HTATSF1: variants seen among roughly 807,000 people sequenced by gnomAD.
HTATSF1 encodes HIV-1 Tat specific factor 1.
Under a neutral mutation model 46.1 loss-of-function variants are expected in HTATSF1, and 6 were observed. The ratio of observed to expected loss-of-function variants is 0.13; its 90% CI spans 0.07 to 0.26. The LOEUF (loss-of-function observed/expected upper bound fraction) is 0.26. Ranked by LOEUF, HTATSF1 falls within the 10% of genes least tolerant of loss-of-function variation. HTATSF1 has a pLI of 1.00. For synonymous variants in HTATSF1, 226 were observed against 211.5 expected (o/e 1.07, Z -0.60); for missense variants, 452 against 559.9 (o/e 0.81, Z 1.94).
chrX:136,497,750 C>T lies in HTATSF1; in HGVS notation c.66C>T (p.Tyr22=), dbSNP rs2083839502. Residue 22 remains tyrosine, a synonymous_variant, in exon 1 of 9, where the codon TAC becomes TAT. Coordinates refer to ENST00000218364, the MANE Select transcript of HTATSF1 (RefSeq NM_014500.5). ...AGCAGTTGCGAATGCAAGAATTGTA[C>T]GGAGACGGCAAGGATGGTGACACCC... ...FDEQLRMQEL[Y]GDGKDGDTQT... is the part of the protein sequence containing the mutation. 2.5e-6 allele frequency: 3 copies of T among 1,206,518 alleles called. No homozygotes were observed. Among genetic ancestry groups the T allele is most frequent in the Non-Finnish European group, 3.4e-6 (3 of 891,450 alleles).
At chrX:136,500,400 A>G (rs893553747) in intron 3 of HTATSF1, among the ~76,000 whole-genome samples, 195 bp downstream of exon 3, 1 of 112,098 alleles carries the variant, frequency 8.9e-6, no homozygotes, top group Non-Finnish European at 1.9e-5. Context: ...AACTTTGCAT[A>G]CCAACCTTTA....
chrX:136,497,759 C>G lies in HTATSF1; in HGVS notation c.75C>G (p.Gly25=). 1 of 1,206,047 alleles carries G rather than the reference C, an allele frequency of 8.3e-7. No homozygotes were observed. ...GAATGCAAGAATTGTACGGAGACGG[C>G]AAGGATGGTGACACCCAGACCGATG... ...QLRMQELYGD[G]KDGDTQTDAG... is the part of the protein sequence containing the mutation. Residue 25 remains glycine (G), a synonymous_variant, in exon 1 of 9, where the codon GGC becomes GGG. Coordinates refer to ENST00000218364, the MANE Select transcript of HTATSF1 (RefSeq NM_014500.5).
In HTATSF1 at chrX:136,502,951, T is replaced by G; in HGVS notation, c.734+10T>G. On this transcript the variant is annotated intron_variant, in intron 5 of 8. Transcript: ENST00000218364. Reference sequence around the variant, plus strand: ...TGTCTATGCAACAAAAGTTTGTAATTTTTTTCCCTTTTGAAAGGTTCCATA... The same window carrying G: ...TGTCTATGCAACAAAAGTTTGTAATGTTTTTCCCTTTTGAAAGGTTCCATA... The G allele has an allele frequency of 9.2e-7, 1 of 1,084,434 alleles. No homozygotes were observed. Among genetic ancestry groups the G allele is most frequent in the Non-Finnish European group, 1.2e-6 (1 of 824,413 alleles). 89.4% of individuals were successfully genotyped at this position (1,084,434 alleles called of 1,213,427 possible). A position where few individuals can be genotyped will look rare whatever the true frequency, so the allele number is the denominator to read the frequency against.
upstream of HTATSF1, chrX:136,497,254 C>T (rs2075694168): frequency 8.8e-6 from 1 of 113,043 alleles, no homozygotes; most frequent in South Asian, 3.2e-4. Flanking sequence ...CACGCGCCGA[C>T]AATGGCGGCT....
intron 6 of HTATSF1, among the ~76,000 whole-genome samples, chrX:136,506,308 GT>G (rs1370404613): frequency 9.1e-6 from 1 of 110,074 alleles, no homozygotes; most frequent in Non-Finnish European, 1.9e-5. Context: ...AATCTTCTTG[GT>G]TTAGTATAAA....
intron 4 of HTATSF1, among the ~76,000 whole-genome samples, chrX:136,502,519 G>A (rs1008897169): frequency 4.5e-5 from 5 of 110,419 alleles, no homozygotes; most frequent in Non-Finnish European, 9.5e-5. Flanking sequence ...TTCTACATAC[G>A]ACGATATTGG....
chrX:136,511,658 TTGA>T lies in HTATSF1; in HGVS notation c.1920_1922del (p.Asp640del), dbSNP rs745733081. On this transcript the variant is annotated inframe_deletion, in exon 9 of 9. Transcript: ENST00000218364. ...GAGGAGGATACATATGAAAAAGTAT[TTGA>T]TGATGAGTCTGATGAGAAAGAGGAT... 3 of 1,210,536 alleles carry T rather than the reference TTGA, an allele frequency of 2.5e-6. No individual in the cohort carries two copies. The highest frequency in any genetic ancestry group is 3.5e-5 in the South Asian group (2 of 56,833).
intron 6 of HTATSF1, among the ~76,000 whole-genome samples, chrX:136,504,932 G>C (rs2075734953): frequency 8.9e-6 from 1 of 112,160 alleles, no homozygotes; most frequent in African/African-American, 3.2e-5. Context: ...AAGTACATCT[G>C]TTATGTATCA....
At chrX:136,508,332 C>G (rs949400006) in intron 6 of HTATSF1, among the ~76,000 whole-genome samples, 1 of 111,900 alleles carries the variant, frequency 8.9e-6, no homozygotes, top group African/African-American at 3.2e-5. Context: ...TTTCCTGAGC[C>G]CTTTTTATGC....
Position 136,511,322 on chromosome X carries a change from A to G in HTATSF1, c.1577A>G (p.Asn526Ser). 3 of 1,206,815 alleles carry G rather than the reference A, an allele frequency of 2.5e-6. No individual in the cohort carries two copies. Among genetic ancestry groups the G allele is most frequent in the South Asian group, 1.8e-5 (1 of 55,600 alleles). The change falls in exon 9 of 9, where the codon AAC becomes AGC. Residue 526 changes from asparagine to serine, a missense_variant. This residue lies in a region of HTATSF1 where 246 missense variants were observed against 245.3 expected (regional missense o/e 1.00). Coordinates refer to ENST00000218364, the MANE Select transcript of HTATSF1 (RefSeq NM_014500.5). The stretch of plus-strand genomic sequence containing the variant: ...GCAAAGGAATCTGAAGATGACCTCA[A>G]CAAGGAGTCTGAAGAGGAGGTTGGC... ...GLAKESEDDL[N>S]KESEEEVGPT...
In HTATSF1 at chrX:136,509,200, A is replaced by G; in HGVS notation, c.924+20A>G. The G allele has an allele frequency of 9.4e-7, 1 of 1,066,307 alleles. No individual in the cohort carries two copies. Among genetic ancestry groups the G allele is most frequent in the Non-Finnish European group, 1.3e-6 (1 of 762,889 alleles). 87.9% of individuals were successfully genotyped at this position (1,066,307 alleles called of 1,213,427 possible). A position where few individuals can be genotyped will look rare whatever the true frequency, so the allele number is the denominator to read the frequency against. ...TTTGATGTAAGTTCATGGCTTGGAC[A>G]TATGGATCCTAAAGCAATAATTCCT... On this transcript the variant is annotated intron_variant, in intron 7 of 8. Transcript: ENST00000218364.
chrX:136,497,448 C>T (rs1483326466), upstream of HTATSF1: 6 of 144,947 alleles, frequency 4.1e-5, no homozygotes, highest in Non-Finnish European at 8.0e-5. Flanking sequence ...AGGTGGGCGG[C>T]GGCGCGGCCG....
chrX:136,511,165 A>G lies in HTATSF1; in HGVS notation c.1420A>G (p.Arg474Gly). 3 of 1,207,477 alleles carry G rather than the reference A, an allele frequency of 2.5e-6. No homozygotes were observed. Among genetic ancestry groups the G allele is most frequent in the Non-Finnish European group, 3.4e-6 (3 of 894,443 alleles). ...AGAATCTGAAGAGGGCTGCCCCAAAAGAGGGTTTGAAGGCAGCTGCTCCCA... is the reference window on the plus strand; with the variant it reads ...AGAATCTGAAGAGGGCTGCCCCAAAGGAGGGTTTGAAGGCAGCTGCTCCCA... ...EKESEEGCPK[R>G]GFEGSCSQKE... The change falls in exon 9 of 9, where the codon AGA (arginine) becomes GGA (glycine). Residue 474 changes from arginine (R) to glycine (G), a missense_variant. Physicochemically the swap from Arg to Gly is moderately radical, Grantham distance 125. This residue lies in a region of HTATSF1 where 246 missense variants were observed against 245.3 expected (regional missense o/e 1.00). Coordinates refer to ENST00000218364, the MANE Select transcript of HTATSF1 (RefSeq NM_014500.5).
intron 5 of HTATSF1, 108 bp from the exon 6 acceptor site, chrX:136,504,256 T>C (rs1189493049): frequency 2.1e-6 from 1 of 471,221 alleles, no homozygotes; most frequent in African/African-American, 2.5e-5. Context: ...CCAGTAATTA[T>C]CTTTATTAAA....
chrX:136,497,358 T>C (rs1310935143), upstream of HTATSF1: 207 of 113,237 alleles, frequency 1.8e-3, 2 homozygotes, highest in East Asian at 8.8e-3. Context: ...GCGGCGGCGG[T>C]GGCGGCGGCG....
intron 1 of HTATSF1, among the ~76,000 whole-genome samples, chrX:136,498,113 C>T (rs967267793): frequency 1.6e-4 from 18 of 112,456 alleles, no homozygotes; most frequent in African/African-American, 5.8e-4. Flanking sequence ...CTGTGAAGGT[C>T]ACAGTTGATT....
intron 1 of HTATSF1, among the ~76,000 whole-genome samples, chrX:136,498,334 C>T (rs1278914214): frequency 1.8e-5 from 2 of 111,940 alleles, no homozygotes; most frequent in African/African-American, 6.5e-5. Context: ...CTTTACTTTC[C>T]TAGTAAATTT....
rs757584333 is a variant in HTATSF1, at chrX:136,499,692, C to G, written c.281C>G (p.Ala94Gly). The G allele has an allele frequency of 8.3e-7, 1 of 1,201,961 alleles. No homozygotes were observed. The highest frequency in any genetic ancestry group is 3.0e-5 in the East Asian group (1 of 33,543). Residue 94 changes from alanine (A) to glycine (G), a missense_variant, in exon 2 of 9, where the codon GCT (alanine) becomes GGT (glycine). Ala to Gly is a moderately conservative substitution (Grantham distance 60). Around this residue, in one of 3 missense-constraint regions of HTATSF1, gnomAD observed 89 missense variants for 92.3 expected, o/e 0.96. Transcript: ENST00000218364. ...SSTANVEDVH[A>G]RTAEEPPQEK... Reference sequence around the variant, plus strand: ...ACCGCAAATGTTGAAGATGTCCATGCTAGGACTGCAGAGGAACCTCCACAA... The same window carrying G: ...ACCGCAAATGTTGAAGATGTCCATGGTAGGACTGCAGAGGAACCTCCACAA...
At chrX:136,504,227 C>T in intron 5 of HTATSF1, 137 bp from the exon 6 acceptor site, 5 of 430,995 alleles carry the variant, frequency 1.2e-5, no homozygotes, top group South Asian at 4.2e-5. Flanking sequence ...GACTGAAATA[C>T]AGTTTGTTGT....
Sources: allele counts gnomAD v4.1 joint callset (sites outside exome capture counted in the v4.1 genomes callset), GRCh38; gene constraint gnomAD v4.1.1; regional missense constraint gnomAD v4.1.1; transcripts MANE v1.5; gene names NCBI Gene and HGNC (gene_info 2026-07-23, HGNC 2026-07-21).